C4orf50: variants seen among roughly 807,000 people sequenced by gnomAD.
The protein encoded by C4orf50 is chromosome 4 open reading frame 50, also known as uncharacterized protein C4orf50.
C4orf50 carries 80 observed loss-of-function variants against 77.2 expected under a neutral mutation model. The ratio of observed to expected loss-of-function variants is 1.04; its 90% CI spans 0.87 to 1.25. The LOEUF (loss-of-function observed/expected upper bound fraction) is 1.25. Among genes scored for constraint, C4orf50 ranks in the 50% most tolerant of loss-of-function variants. C4orf50 has a pLI of 0.00. For synonymous variants in C4orf50, 532 were observed against 465.3 expected, an observed-to-expected ratio of 1.14 and a Z score of -1.84; for missense variants, 1,257 against 1,152.9, an observed-to-expected ratio of 1.09 and a Z score of -1.31.
intron 7 of C4orf50, among the ~76,000 whole-genome samples, chr4:5,917,692 T>G (rs1471168696): frequency 6.6e-6 from 1 of 152,124 alleles, no homozygotes; most frequent in Non-Finnish European, 1.5e-5. Context: ...CATGAGCCAC[T>G]ATGCCTGGCC....
intron 25 of C4orf50, among the ~76,000 whole-genome samples, chr4:6,002,141 C>T (rs1342891072): frequency 6.6e-6 from 1 of 152,056 alleles, no homozygotes; most frequent in Non-Finnish European, 1.5e-5. Flanking sequence ...TAGGCTGGGT[C>T]CTAATCCAAT....
intron 29 of C4orf50, among the ~76,000 whole-genome samples, chr4:5,977,550 G>A (rs769822694): frequency 6.6e-6 from 1 of 152,152 alleles, no homozygotes; most frequent in Non-Finnish European, 1.5e-5. Context: ...TTAAAAGCTT[G>A]CATGTTATTT....
intron 33 of C4orf50, among the ~76,000 whole-genome samples, chr4:5,964,025 G>A (rs1489869213): frequency 1.4e-5 from 1 of 73,234 alleles, no homozygotes; most frequent in Non-Finnish European, 2.8e-5. Context: ...GAAAAGCTAG[G>A]GGGAAACGTT....
chr4:5,971,858 C>T (rs1274651412), intron 31 of C4orf50, among the ~76,000 whole-genome samples: 1 of 152,270 alleles, frequency 6.6e-6, no homozygotes, highest in African/African-American at 2.4e-5. Flanking sequence ...CATTTCAATT[C>T]TAGTTCCAGG....
In C4orf50 at chr4:5,919,354, C is replaced by A. The variant is rs759812314; in HGVS notation, c.*2475-21166G>T. Reference sequence around the variant, plus strand: ...TGAACTGGCGTGGAGTGTGTATCACCTTCCAGGTGACACATTAGATCTTCT... The same window carrying A: ...TGAACTGGCGTGGAGTGTGTATCACATTCCAGGTGACACATTAGATCTTCT... On this transcript the variant is annotated intron_variant, in intron 7 of 7. Transcript: ENST00000324058. The surrounding 1 kb of genome is among the most constrained non-coding windows in gnomAD (Gnocchi z 6.5). Among the ~76,000 whole-genome samples the A allele has an allele frequency of 2.0e-5, 3 of 151,366 alleles. No individual in the cohort carries two copies. The highest frequency in any genetic ancestry group is 4.4e-5 in the Non-Finnish European group (3 of 67,922).
rs1716283378 is a variant in C4orf50 at position 5,900,144 on chromosome 4, G to A, written c.*2475-1956C>T. ...AGAATTTCACCCTGGAACCAAAGGG[G>A]AACTGTGAATCTCTTAAAAGAAGCT... On this transcript the variant is annotated intron_variant, in intron 7 of 7. Coordinates refer to the C4orf50 transcript ENST00000324058. The surrounding 1 kb of genome is among the most constrained non-coding windows in gnomAD (Gnocchi z 4.3). The A allele has an allele frequency of 6.6e-6, 1 of 152,116 alleles. No individual in the cohort carries two copies. The highest frequency in any genetic ancestry group is 2.1e-4 in the South Asian group (1 of 4,818). The allele number at this position is 152,116 out of a possible 1,614,324, so 9.4% of individuals were successfully genotyped here. A position where few individuals can be genotyped will look rare whatever the true frequency, so the allele number is the denominator to read the frequency against.
At chr4:5,959,153 G>T in exon 34 of C4orf50, 2 of 564,450 alleles carry the variant, frequency 3.5e-6, no homozygotes, top group Non-Finnish European at 6.3e-6. Flanking sequence ...TTCCTATGCT[G>T]CCTTGACATT....
chr4:5,960,945 C>T (rs530447231), intron 33 of C4orf50, among the ~76,000 whole-genome samples: 16 of 152,170 alleles, frequency 1.1e-4, no homozygotes, highest in African/African-American at 3.6e-4. Context: ...GTCAGGAGTT[C>T]GAGACCAGCC....
At chr4:5,976,315 G>A (rs75826613) in intron 29 of C4orf50, among the ~76,000 whole-genome samples, 34,527 of 151,830 alleles carry the variant, frequency 0.23, 4,740 homozygotes, top group East Asian at 0.67. Context: ...AATTAGCCAG[G>A]TGTGGTGGTG....
Position 5,980,171 on chromosome 4 carries a change from C to T in C4orf50, c.3864+3G>A. ...AAGAGGGGAAAGAAAGCACTTCCCA[C>T]ACCTTGGCCTGGAGCTCCTCCTGGA... is the stretch of plus-strand genomic sequence containing the variant. On this transcript the variant is annotated splice_donor_region_variant and intron_variant, in intron 29 of 33. Coordinates refer to ENST00000531445, the Ensembl canonical transcript of C4orf50. 4.4e-6 allele frequency: 7 copies of T among 1,587,110 alleles called. No individual in the cohort carries two copies. The highest frequency in any genetic ancestry group is 6.0e-6 in the Non-Finnish European group (7 of 1,168,186).
rs946509423 is a variant in C4orf50, at chr4:6,011,884, G to A, written c.372C>T (p.Ala124=). The A allele has an allele frequency of 2.5e-6, 1 of 398,926 alleles. No homozygotes were observed. Among genetic ancestry groups the A allele is most frequent in the African/African-American group, 2.1e-5 (1 of 48,636 alleles). 24.7% of individuals were successfully genotyped at this position (398,926 alleles called of 1,614,324 possible). ...CCAGCTTCTCCTGGGCCTGGAGCCA[G>A]GCGCTTCTCTCCTGGGCCACGTGGG... The change falls in exon 24 of 34, where the codon GCC becomes GCT. Residue 124 remains alanine, a synonymous_variant. Coordinates refer to ENST00000531445, the Ensembl canonical transcript of C4orf50. This position sits in a 1 kb window ranked among gnomAD's most constrained non-coding sequence, Gnocchi z 4.2.
intron 7 of C4orf50, among the ~76,000 whole-genome samples, chr4:5,906,191 C>T (rs930514047): frequency 4.7e-5 from 7 of 150,246 alleles, no homozygotes; most frequent in African/African-American, 1.2e-4. Flanking sequence ...GAACCTGTGA[C>T]GGTTGGCAGC....
At chr4:5,921,067 A>T (rs914475488) in intron 7 of C4orf50, among the ~76,000 whole-genome samples, 6 of 152,190 alleles carry the variant, frequency 3.9e-5, no homozygotes, top group African/African-American at 1.4e-4. Context: ...TGAGACCTTG[A>T]TACCTGAGCA....
Position 6,008,645 on chromosome 4 carries a change from A to G in C4orf50, c.427-113T>C, listed in dbSNP as rs2108810140. 2.5e-6 allele frequency: 1 copy of G among 392,532 alleles called. No individual in the cohort carries two copies. Among genetic ancestry groups the G allele is most frequent in the Non-Finnish European group, 4.5e-6 (1 of 222,526 alleles). 24.3% of individuals were successfully genotyped at this position (392,532 alleles called of 1,614,324 possible). On this transcript the variant is annotated intron_variant, in intron 24 of 33. Transcript: ENST00000531445. The surrounding 1 kb of genome is among the most constrained non-coding windows in gnomAD (Gnocchi z 6.0). The stretch of plus-strand genomic sequence containing the variant: ...TATTTTGTGCATGGTGCGTTTTTGC[A>G]TTTTGTGCATTGTAATAGTGCATCA...
rs116718703 is a variant in C4orf50 at position 5,972,335 on chromosome 4, T to A, written c.4104+1324A>T. On this transcript the variant is annotated intron_variant, in intron 31 of 33. Coordinates refer to ENST00000531445, the Ensembl canonical transcript of C4orf50. ...AATTTTATCTCACTTAACCCCCAGA[T>A]ATCAGGCCCCTAGTGGATCCCAAGG... Among the ~76,000 whole-genome samples the A allele has an allele frequency of 4.3e-3, 654 of 152,242 alleles. 4 individuals carry two copies. The highest frequency in any genetic ancestry group is 0.015 in the African/African-American group (624 of 41,538).
At chr4:5,984,925 G>T (rs28845792) in intron 28 of C4orf50, among the ~76,000 whole-genome samples, 25,063 of 151,176 alleles carry the variant, frequency 0.17, 2,156 homozygotes, top group Middle Eastern at 0.21. Context: ...GCACATTATA[G>T]TGAAGCTGCC....
Position 6,017,419 on chromosome 4 carries a change from A to C in C4orf50, c.287+726T>G, listed in dbSNP as rs772515928. 3.9e-4 allele frequency among the ~76,000 whole-genome samples: 60 copies of C among 152,350 alleles called. No homozygotes were observed. Among genetic ancestry groups the C allele is most frequent in the African/African-American group, 1.4e-3 (57 of 41,580 alleles). ...TCACTGTGGGAACAAGAGTGACTTTATTTTAAACGCTAATCCAGCAGGTGA... is the reference window on the plus strand; with the variant it reads ...TCACTGTGGGAACAAGAGTGACTTTCTTTTAAACGCTAATCCAGCAGGTGA... On this transcript the variant is annotated intron_variant, in intron 23 of 33. Coordinates refer to ENST00000531445, the Ensembl canonical transcript of C4orf50. The surrounding 1 kb of genome is among the most constrained non-coding windows in gnomAD (Gnocchi z 4.7).
chr4:5,962,220 T>C (rs1367054658), intron 33 of C4orf50, among the ~76,000 whole-genome samples: 2 of 152,162 alleles, frequency 1.3e-5, no homozygotes, highest in African/African-American at 4.8e-5. Context: ...GTGCAAAACA[T>C]GGGAAAAACA....
chr4:5,990,045 T>G (rs1315966481), exon 28 of C4orf50: 5 of 1,351,056 alleles, frequency 3.7e-6, no homozygotes, highest in Middle Eastern at 2.7e-4. Context: ...TGGCTGGGGG[T>G]GCCACTTCCT....
Sources: gnomAD v4.1 joint callset for allele counts (sites outside exome capture counted in the v4.1 genomes callset) on GRCh38, gnomAD v4.1.1 for gene constraint, Gnocchi (gnomAD v3.1) non-coding constraint, MANE v1.5 for transcripts, NCBI Gene and HGNC (gene_info 2026-07-23, HGNC 2026-07-21) for gene names.